The following WDR72 variants were observed in gnomAD, a reference collection of about 807,000 sequenced individuals.
WDR72 encodes the protein WD repeat-containing protein 72.
Under a neutral mutation model 124.2 loss-of-function variants are expected in WDR72, and 120 were observed. The ratio of observed to expected loss-of-function variants is 0.97; its 90% CI spans 0.83 to 1.12. The LOEUF (loss-of-function observed/expected upper bound fraction) is 1.12, where lower values mean the gene tolerates loss of function less well. Among genes scored for constraint, WDR72 ranks in the 50% most tolerant of loss-of-function variants. WDR72 has a pLI of 0.00. For missense variants in WDR72, 1,387 were observed against 1,278.8 expected (o/e 1.08, Z -1.29); for synonymous variants, 452 against 441.7 (o/e 1.02, Z -0.29).
intron 3 of WDR72, among the ~76,000 whole-genome samples, 197 bp from the exon 4 acceptor site, chr15:53,716,882 C>T (rs1206156695): frequency 6.6e-6 from 1 of 151,990 alleles, no homozygotes; most frequent in African/African-American, 2.4e-5. Context: ...GTAATTACAC[C>T]CTGCTGCCAG....
Position 53,515,015 on chromosome 15 carries a change from A to ATATATATATACACACATATATATGTG in WDR72, c.*2658_*2683dup, listed in dbSNP as rs1555402365. The ATATATATATACACACATATATATGTG allele has an allele frequency of 8.0e-4, 53 of 66,238 alleles. No individual in the cohort carries two copies. Among genetic ancestry groups the ATATATATATACACACATATATATGTG allele is most frequent in the Non-Finnish European group, 4.4e-4 (11 of 25,210 alleles). 4.1% of individuals were successfully genotyped at this position (66,238 alleles called of 1,614,324 possible). A position where few individuals can be genotyped will look rare whatever the true frequency, so the allele number is the denominator to read the frequency against. On this transcript the variant is annotated 3_prime_UTR_variant, in exon 20 of 20. Coordinates refer to ENST00000360509, the MANE Select transcript of WDR72 (RefSeq NM_182758.4). ...TTCCTTTGGGGGATATGCCATATATATATATATATACACACATATATATGT... is the reference window on the plus strand; with the variant it reads ...TTCCTTTGGGGGATATGCCATATATATATATATATACACACATATATATGTGTATATATATACACACATATATATGT...
At chr15:53,657,066 C>A (rs1595824708) in intron 14 of WDR72, among the ~76,000 whole-genome samples, 2 of 151,750 alleles carry the variant, frequency 1.3e-5, no homozygotes, top group Non-Finnish European at 1.5e-5. Flanking sequence ...AGATCGAGAC[C>A]ATCCTGGCTA....
At chr15:53,619,008 C>G (rs2013879603) in intron 14 of WDR72, among the ~76,000 whole-genome samples, 1 of 151,774 alleles carries the variant, frequency 6.6e-6, no homozygotes, top group South Asian at 2.1e-4. Context: ...TAATATGTTC[C>G]TTAAATTGCC....
intron 14 of WDR72, among the ~76,000 whole-genome samples, chr15:53,636,908 T>C (rs996284368): frequency 2.0e-5 from 3 of 152,200 alleles, no homozygotes; most frequent in Non-Finnish European, 2.9e-5. Flanking sequence ...TAATCCATTG[T>C]GTTTAATTAA....
At chr15:53,737,083 C>T (rs1377832939) in intron 1 of WDR72, among the ~76,000 whole-genome samples, 1 of 150,206 alleles carries the variant, frequency 6.7e-6, no homozygotes, top group Non-Finnish European at 1.5e-5. Flanking sequence ...TTGGGAGAAG[C>T]AACACTCCAA....
Position 53,599,388 on chromosome 15 carries a change from G to A in WDR72, c.2953-2114C>T, listed in dbSNP as rs1041113370. On this transcript the variant is annotated intron_variant, in intron 17 of 19. Coordinates refer to ENST00000360509, the MANE Select transcript of WDR72 (RefSeq NM_182758.4). ...AGAACTCAGGATTATAAGTGAAAAC[G>A]TTTGTATTTCCTATTCCACCACGAC... is the stretch of plus-strand genomic sequence containing the variant. Among the ~76,000 whole-genome samples the A allele has an allele frequency of 7.9e-5, 12 of 152,146 alleles. No homozygotes were observed. In the East Asian group the frequency reaches 9.7e-4, roughly 12 times the overall value.
intron 18 of WDR72, among the ~76,000 whole-genome samples, chr15:53,582,946 T>C (rs1186426011): frequency 6.6e-6 from 1 of 151,978 alleles, no homozygotes; most frequent in African/African-American, 2.4e-5. Flanking sequence ...ACTGGAAATA[T>C]AAAAATGATA....
intron 18 of WDR72, among the ~76,000 whole-genome samples, chr15:53,542,789 A>T (rs1370518602): frequency 1.4e-4 from 8 of 57,960 alleles, no homozygotes; most frequent in Non-Finnish European, 3.3e-5. Flanking sequence ...AAATAAAAGG[A>T]TGGAGGAAGA....
At chr15:53,725,195 T>C (rs1170030183) in intron 2 of WDR72, among the ~76,000 whole-genome samples, 3 of 151,912 alleles carry the variant, frequency 2.0e-5, no homozygotes, top group Non-Finnish European at 2.9e-5. Context: ...CAAGTGAACA[T>C]ATAAAAAGGT....
At chr15:53,611,875 T>A (rs1213635535) in intron 16 of WDR72, among the ~76,000 whole-genome samples, 2 of 152,088 alleles carry the variant, frequency 1.3e-5, no homozygotes, top group African/African-American at 4.8e-5. Context: ...TGGAAGCTAA[T>A]AATAAACTCT....
intron 13 of WDR72, among the ~76,000 whole-genome samples, chr15:53,676,655 T>C (rs1201126117): frequency 1.3e-5 from 2 of 152,174 alleles, no homozygotes; most frequent in Non-Finnish European, 2.9e-5. Context: ...TCCCAGAGCC[T>C]CTAGATGAGA....
intron 13 of WDR72, among the ~76,000 whole-genome samples, chr15:53,694,696 C>T (rs1189584716): frequency 6.6e-6 from 1 of 152,188 alleles, no homozygotes; most frequent in Non-Finnish European, 1.5e-5. Context: ...GTGCCAACAC[C>T]TACTCTGGGG....
At chr15:53,721,946 T>A (rs1476387830) in intron 3 of WDR72, among the ~76,000 whole-genome samples, 1 of 152,204 alleles carries the variant, frequency 6.6e-6, no homozygotes, top group African/African-American at 2.4e-5. Context: ...CCCAAATCAC[T>A]GGCTATGTTC....
At chr15:53,571,682 T>C (rs555391923) in intron 18 of WDR72, among the ~76,000 whole-genome samples, 27 of 152,096 alleles carry the variant, frequency 1.8e-4, no homozygotes, top group African/African-American at 6.5e-4. Flanking sequence ...AACAGGGGAG[T>C]GCAGAGATCT....
At chr15:53,613,794 G>C in intron 15 of WDR72, 37 bp from the exon 16 acceptor site, 1 of 1,402,362 alleles carries the variant, frequency 7.1e-7, no homozygotes, top group Non-Finnish European at 1.0e-6. Context: ...TTACTAAAAA[G>C]CATGAAAAAT....
intron 18 of WDR72, among the ~76,000 whole-genome samples, chr15:53,538,769 C>T (rs554659714): frequency 1.3e-5 from 2 of 152,100 alleles, no homozygotes; most frequent in African/African-American, 2.4e-5. Flanking sequence ...CACCCCTAGA[C>T]ACACAGCAGA....
chr15:53,607,591 C>T (rs1461280785), intron 17 of WDR72, among the ~76,000 whole-genome samples: 4 of 152,046 alleles, frequency 2.6e-5, no homozygotes, highest in African/African-American at 9.7e-5. Context: ...GGGAGATCTC[C>T]AGGACATTGG....
Position 53,723,041 on chromosome 15 carries a change from T to TA in WDR72, c.154-134dup. The TA allele has an allele frequency of 5.1e-6, 4 of 779,592 alleles. No individual in the cohort carries two copies. The South Asian group carries it at 5.9e-5, about 11-fold the overall frequency. The allele number at this position is 779,592 out of a possible 1,614,324, so 48.3% of individuals were successfully genotyped here. A position where few individuals can be genotyped will look rare whatever the true frequency, so the allele number is the denominator to read the frequency against. On this transcript the variant is annotated intron_variant, in intron 2 of 19. Transcript: ENST00000360509. ...TGTATACAAGTTTTAAGAAAACTGA[T>TA]ATATGTAATAACAACATCCACAGAG...
chr15:53,567,508 C>T (rs1335793291), intron 18 of WDR72, among the ~76,000 whole-genome samples: 1 of 152,018 alleles, frequency 6.6e-6, no homozygotes, highest in Non-Finnish European at 1.5e-5. Context: ...GCTGACCAAT[C>T]TCTGTTGCAT....
Sources: allele counts gnomAD v4.1 joint callset (sites outside exome capture counted in the v4.1 genomes callset), GRCh38; gene constraint gnomAD v4.1.1; transcripts MANE v1.5; gene names NCBI Gene and HGNC (gene_info 2026-07-23, HGNC 2026-07-21).